The following NOX4 variants were observed in gnomAD, a reference collection of about 807,000 sequenced individuals.
The protein encoded by NOX4 is kidney oxidase-1.
Under a neutral mutation model 87.6 loss-of-function variants are expected in NOX4, and 69 were observed. The observed-to-expected ratio is 0.79, with a 90% CI of 0.65 to 0.96. The LOEUF (loss-of-function observed/expected upper bound fraction) is 0.96. NOX4 is among the 40% of genes least tolerant of loss of function. The pLI, the probability that NOX4 is intolerant of heterozygous loss-of-function variation, is 0.00. For synonymous variants in NOX4, 275 were observed against 238.2 expected (o/e 1.15, Z -1.42); for missense variants, 680 against 681.5 (o/e 1.00, Z 0.02).
chr11:89,498,939 G>A (rs1946988475), upstream of NOX4: 1 of 152,274 alleles, frequency 6.6e-6, no homozygotes, highest in Non-Finnish European at 1.5e-5. Context: ...AGAAGTTTTT[G>A]AATCAGAAGT....
At chr11:89,327,304 A>G (rs889228213) in intron 17 of NOX4, among the ~76,000 whole-genome samples, 1 of 152,202 alleles carries the variant, frequency 6.6e-6, no homozygotes, top group African/African-American at 2.4e-5. Flanking sequence ...CACTTTACAC[A>G]TAGTTATCTA....
At chr11:89,557,476 G>A in the NOX4 span, among the ~76,000 whole-genome samples, 3 of 152,196 alleles carry the variant, frequency 2.0e-5, no homozygotes, top group Admixed American at 6.5e-5. Flanking sequence ...CACATCACTG[G>A]CACACTGCTG....
the NOX4 span, among the ~76,000 whole-genome samples, chr11:89,519,355 A>G: frequency 6.6e-6 from 1 of 152,136 alleles, no homozygotes; most frequent in East Asian, 1.9e-4. Flanking sequence ...ACTGTAGAGA[A>G]ATTTTCAGAT....
At chr11:89,372,582 G>T (rs1939526617) in intron 12 of NOX4, among the ~76,000 whole-genome samples, 1 of 151,702 alleles carries the variant, frequency 6.6e-6, no homozygotes. Context: ...TTCTTCATTT[G>T]CCTGACTCCT....
At chr11:89,561,394 C>A in the NOX4 span, among the ~76,000 whole-genome samples, 1 of 151,944 alleles carries the variant, frequency 6.6e-6, no homozygotes, top group Non-Finnish European at 1.5e-5. Context: ...GAAAATTATT[C>A]TTCTATCCAT....
chr11:89,522,136 G>C, the NOX4 span, among the ~76,000 whole-genome samples: 1 of 152,078 alleles, frequency 6.6e-6, no homozygotes, highest in Admixed American at 6.6e-5. Context: ...AAAGAACTTA[G>C]GACAGAACTA....
chr11:89,342,871 A>G (rs317181), intron 13 of NOX4, among the ~76,000 whole-genome samples: 3,915 of 152,276 alleles, frequency 0.026, 154 homozygotes, highest in African/African-American at 0.089. Context: ...CTTAACTGCA[A>G]TAGAAATGCT....
At chr11:89,487,899 T>C (rs1427690873) in intron 2 of NOX4, among the ~76,000 whole-genome samples, 1 of 152,198 alleles carries the variant, frequency 6.6e-6, no homozygotes, top group Non-Finnish European at 1.5e-5. Context: ...AAGATAAGCC[T>C]AGGACATAAA....
chr11:89,524,979 G>A, the NOX4 span, among the ~76,000 whole-genome samples: 12 of 151,892 alleles, frequency 7.9e-5, no homozygotes, highest in African/African-American at 2.9e-4. Context: ...CTTTCATTCA[G>A]CTTAATGATT....
At chr11:89,458,748 A>T (rs1196891042) in intron 2 of NOX4, among the ~76,000 whole-genome samples, 2 of 152,208 alleles carry the variant, frequency 1.3e-5, no homozygotes, top group Admixed American at 1.3e-4. Flanking sequence ...TCAAAACCAC[A>T]ATGAAATACC....
intron 2 of NOX4, among the ~76,000 whole-genome samples, chr11:89,482,341 G>C (rs1035208106): frequency 2.1e-4 from 32 of 152,060 alleles, no homozygotes; most frequent in African/African-American, 7.2e-4. Flanking sequence ...GACAAAGTTG[G>C]TATTTGTACC....
the NOX4 span, among the ~76,000 whole-genome samples, chr11:89,514,687 T>A: frequency 4.0e-5 from 6 of 151,836 alleles, no homozygotes; most frequent in African/African-American, 1.4e-4. Context: ...CATGAAGGGG[T>A]ATTGAATTTT....
At chr11:89,582,819 C>A in the NOX4 span, among the ~76,000 whole-genome samples, 2 of 152,262 alleles carry the variant, frequency 1.3e-5, no homozygotes, top group East Asian at 1.9e-4. Flanking sequence ...TGTCTCTATG[C>A]CCTCCTCAAA....
the NOX4 span, among the ~76,000 whole-genome samples, chr11:89,589,140 C>T: frequency 6.6e-6 from 1 of 152,164 alleles, no homozygotes; most frequent in Non-Finnish European, 1.5e-5. Context: ...TTCCTAGCTC[C>T]ATCTGGAGTC....
At chr11:89,480,685 T>C (rs956984952) in intron 2 of NOX4, among the ~76,000 whole-genome samples, 1 of 152,066 alleles carries the variant, frequency 6.6e-6, no homozygotes, top group African/African-American at 2.4e-5. Flanking sequence ...GAACCTACCT[T>C]GTAGAATAGT....
At chr11:89,402,200 C>T (rs1192145556) in intron 9 of NOX4, 126 bp downstream of exon 9, 1 of 727,080 alleles carries the variant, frequency 1.4e-6, no homozygotes, top group Admixed American at 2.3e-5. Flanking sequence ...TACTAACTTA[C>T]TGTTGAAACA....
the NOX4 span, among the ~76,000 whole-genome samples, chr11:89,528,060 C>G: frequency 1.1e-4 from 16 of 152,320 alleles, no homozygotes; most frequent in African/African-American, 3.4e-4. Flanking sequence ...CCTCTTGCAT[C>G]AGTGTGAACT....
At chr11:89,432,395 T>TA (rs1167405783) in intron 7 of NOX4, among the ~76,000 whole-genome samples, 1 of 151,890 alleles carries the variant, frequency 6.6e-6, no homozygotes, top group Admixed American at 6.6e-5. Flanking sequence ...TGTTAAATCT[T>TA]AAAAATAATG....
chr11:89,387,369 G>T (rs1940788961), intron 11 of NOX4, among the ~76,000 whole-genome samples: 2 of 151,642 alleles, frequency 1.3e-5, no homozygotes, highest in Admixed American at 6.6e-5. Flanking sequence ...CCCCATCCCT[G>T]CCCGCCAGAG....
Sources: gnomAD v4.1 joint callset for allele counts (sites outside exome capture counted in the v4.1 genomes callset) on GRCh38, gnomAD v4.1.1 for gene constraint, MANE v1.5 for transcripts, NCBI Gene and HGNC (gene_info 2026-07-23, HGNC 2026-07-21) for gene names.